ERCC6L: variants seen among roughly 807,000 people sequenced by gnomAD.
The protein encoded by ERCC6L is DNA excision repair protein ERCC-6-like.
In ERCC6L, 7 loss-of-function variants were observed where a neutral mutation model predicts 20.1. That is an observed-to-expected ratio of 0.35 (90% CI 0.20 to 0.65). The LOEUF (loss-of-function observed/expected upper bound fraction) is 0.65. ERCC6L is among the 30% of genes least tolerant of loss of function. The pLI is 0.69. For synonymous variants in ERCC6L, 278 were observed against 331.3 expected (o/e 0.84, Z 1.75); for missense variants, 592 against 892.4 (o/e 0.66, Z 4.29).
chrX:72,232,911 TG>T (rs779584997), intron 1 of ERCC6L, among the ~76,000 whole-genome samples: 1 of 110,570 alleles, frequency 9.0e-6, no homozygotes, highest in East Asian at 2.8e-4. Flanking sequence ...AAGACCAGCC[TG>T]GGCAACATAG....
At chrX:72,218,226 C>T (rs1163188988) in intron 1 of ERCC6L, among the ~76,000 whole-genome samples, 2 of 103,469 alleles carry the variant, frequency 1.9e-5, no homozygotes, top group Non-Finnish European at 3.9e-5. Context: ...GTCAAGATCG[C>T]ACCACTGCAC....
At chrX:72,211,778 G>A (rs1419737195) in intron 1 of ERCC6L, among the ~76,000 whole-genome samples, 1 of 107,725 alleles carries the variant, frequency 9.3e-6, no homozygotes, top group Non-Finnish European at 1.9e-5. Context: ...AGCAAGACCC[G>A]TTTCAAAAAT....
At chrX:72,232,418 A>C (rs1292950208) in intron 1 of ERCC6L, among the ~76,000 whole-genome samples, 2 of 43,090 alleles carry the variant, frequency 4.6e-5, no homozygotes, top group Non-Finnish European at 6.8e-5. Flanking sequence ...ACCTGCCTCA[A>C]AAAAAAAAAA....
intron 1 of ERCC6L, among the ~76,000 whole-genome samples, chrX:72,224,135 T>C (rs2042941291): frequency 9.0e-6 from 1 of 111,470 alleles, no homozygotes; most frequent in Non-Finnish European, 1.9e-5. Context: ...AGTAAGATTA[T>C]TTCCTTTCTC....
intron 1 of ERCC6L, among the ~76,000 whole-genome samples, chrX:72,225,922 C>T (rs1172514888): frequency 8.9e-6 from 1 of 111,822 alleles, no homozygotes; most frequent in East Asian, 2.8e-4. Flanking sequence ...AAAGGTTGGC[C>T]CCTTTGCTTA....
At chrX:72,216,087 G>A (rs758964669) in intron 1 of ERCC6L, among the ~76,000 whole-genome samples, 2 of 110,612 alleles carry the variant, frequency 1.8e-5, no homozygotes, top group Admixed American at 9.7e-5. Flanking sequence ...CCTGGAGCCC[G>A]TGAATGTGAC....
At chrX:72,229,272 G>C (rs1427415492) in intron 1 of ERCC6L, among the ~76,000 whole-genome samples, 1 of 111,286 alleles carries the variant, frequency 9.0e-6, no homozygotes, top group Non-Finnish European at 1.9e-5. Context: ...AACTAACCGA[G>C]TTAACTACCC....
chrX:72,230,816 T>G (rs865960696), intron 1 of ERCC6L, among the ~76,000 whole-genome samples: 1 of 110,828 alleles, frequency 9.0e-6, no homozygotes, highest in African/African-American at 3.3e-5. Flanking sequence ...ATACAAAAAA[T>G]TAGCCAGGCA....
chrX:72,219,905 C>A (rs767693815), intron 1 of ERCC6L, among the ~76,000 whole-genome samples: 1 of 110,136 alleles, frequency 9.1e-6, no homozygotes, highest in East Asian at 2.9e-4. Flanking sequence ...GAAGAGAAGT[C>A]GCAAGAGCAG....
Position 72,209,388 on chromosome X carries a change from A to C in ERCC6L, c.69-690T>G, listed in dbSNP as rs898676387. ...CTCCACTTGAAATCAAATTCAATTCATCCCAAACTAGACTCATTATTTCCC... is the reference window on the plus strand; with the variant it reads ...CTCCACTTGAAATCAAATTCAATTCCTCCCAAACTAGACTCATTATTTCCC... On this transcript the variant is annotated intron_variant, in intron 1 of 1. Coordinates refer to ENST00000334463, the MANE Select transcript of ERCC6L (RefSeq NM_017669.4). Among the ~76,000 whole-genome samples, 3 of 111,738 alleles carry C rather than the reference A, an allele frequency of 2.7e-5. No homozygotes were observed. The Admixed American group carries it at 2.9e-4, about 11-fold the overall frequency.
intron 1 of ERCC6L, among the ~76,000 whole-genome samples, chrX:72,220,893 G>A (rs148701190): frequency 0.028 from 3,114 of 111,658 alleles, 73 homozygotes; most frequent in African/African-American, 0.083. Flanking sequence ...ATTTGGTGCC[G>A]AAATCTGGAA....
chrX:72,233,194 C>T (rs7883905), intron 1 of ERCC6L, among the ~76,000 whole-genome samples: 2,108 of 111,505 alleles, frequency 0.019, 26 homozygotes, highest in African/African-American at 0.052. Context: ...AGCTACACAG[C>T]CTTCCCTATA....
intron 1 of ERCC6L, among the ~76,000 whole-genome samples, chrX:72,235,432 G>C (rs1159080011): frequency 4.5e-5 from 2 of 44,764 alleles, no homozygotes; most frequent in African/African-American, 1.9e-4. Context: ...TTTCACTTTT[G>C]TAGCCTAGGC....
chrX:72,214,985 TCAAAA>T (rs2042880060), intron 1 of ERCC6L, among the ~76,000 whole-genome samples: 2 of 111,103 alleles, frequency 1.8e-5, no homozygotes, highest in African/African-American at 6.6e-5. Context: ...AGACTCTGAC[TCAAAA>T]CAAACAAACA....
At chrX:72,227,344 C>T (rs1260502190) in intron 1 of ERCC6L, among the ~76,000 whole-genome samples, 3 of 111,947 alleles carry the variant, frequency 2.7e-5, no homozygotes, top group African/African-American at 9.8e-5. Context: ...CTCTATCGAC[C>T]TCAATCTTCA....
intron 1 of ERCC6L, among the ~76,000 whole-genome samples, chrX:72,218,839 T>G (rs1483364193): frequency 8.9e-6 from 1 of 112,848 alleles, no homozygotes; most frequent in East Asian, 2.8e-4. Context: ...ACACAGGATA[T>G]CTTTCTTTTA....
intron 1 of ERCC6L, among the ~76,000 whole-genome samples, chrX:72,232,607 G>C (rs1241813717): frequency 2.7e-5 from 3 of 111,560 alleles, no homozygotes; most frequent in African/African-American, 9.8e-5. Flanking sequence ...TCAAGAGTTG[G>C]AGACCAGCCT....
chrX:72,214,971 A>C (rs769839792), intron 1 of ERCC6L, among the ~76,000 whole-genome samples: 74 of 111,821 alleles, frequency 6.6e-4, no homozygotes, highest in Non-Finnish European at 1.9e-4. Context: ...TGGATGAAAA[A>C]GCAAGACTCT....
intron 1 of ERCC6L, among the ~76,000 whole-genome samples, chrX:72,235,853 G>A (rs894601982): frequency 8.9e-6 from 1 of 111,997 alleles, no homozygotes; most frequent in South Asian, 3.7e-4. Context: ...ATCCTCGGGA[G>A]GCCATTACTC....
Sources: gnomAD v4.1 joint callset for allele counts (sites outside exome capture counted in the v4.1 genomes callset) on GRCh38, gnomAD v4.1.1 for gene constraint, MANE v1.5 for transcripts, NCBI Gene and HGNC (gene_info 2026-07-23, HGNC 2026-07-21) for gene names.